ARMH3: variants seen among roughly 807,000 people sequenced by gnomAD.
The protein encoded by ARMH3 is armadillo like helical domain containing 3.
A neutral mutation model predicts 99.1 loss-of-function variants in ARMH3; 60 were observed. The ratio of observed to expected loss-of-function variants is 0.61; its 90% CI spans 0.49 to 0.75. The LOEUF (loss-of-function observed/expected upper bound fraction) is 0.75. ARMH3 is among the 30% of genes least tolerant of loss of function. The pLI is 0.00. For synonymous variants in ARMH3, 285 were observed against 292.8 expected (o/e 0.97, Z 0.27); for missense variants, 679 against 843.1 (o/e 0.81, Z 2.41).
At position 101,967,503 on chromosome 10, in the gene ARMH3, C is replaced by A. The variant is rs533559194; in HGVS notation, c.1495+7709G>T. Among the ~76,000 whole-genome samples the A allele has an allele frequency of 4.8e-4, 73 of 152,202 alleles. No homozygotes were observed. In the Middle Eastern group the frequency reaches 0.014, roughly 28 times the overall value. On this transcript the variant is annotated intron_variant, in intron 20 of 25. Transcript: ENST00000370033. ...CCTGTAATCCTAACACTTTGGGAGG[C>A]CAAGGTAGGTGGATCACAAGGTCAG...
rs1846827530 is a variant in ARMH3 at position 101,992,154 on chromosome 10, C to T, written c.1276-116G>A. The T allele has an allele frequency of 4.5e-6, 4 of 895,710 alleles. No homozygotes were observed. The Admixed American group carries it at 7.8e-5, about 17-fold the overall frequency. 55.5% of individuals were successfully genotyped at this position (895,710 alleles called of 1,614,324 possible). A position where few individuals can be genotyped will look rare whatever the true frequency, so the allele number is the denominator to read the frequency against. ...CACTATTACAGGGATACTTCCTTTT[C>T]TTTCTCTTTTTCACATGGTGGGAGA... On this transcript the variant is annotated intron_variant, in intron 17 of 25. Transcript: ENST00000370033.
At chr10:102,051,061 G>T (rs949623781) in intron 1 of ARMH3, among the ~76,000 whole-genome samples, 39 of 151,850 alleles carry the variant, frequency 2.6e-4, no homozygotes, top group African/African-American at 8.9e-4. Flanking sequence ...GGCTGAGGCA[G>T]GAGAATCACT....
chr10:102,022,898 A>G (rs2066918593), intron 8 of ARMH3, among the ~76,000 whole-genome samples: 3 of 150,044 alleles, frequency 2.0e-5, no homozygotes, highest in Non-Finnish European at 4.4e-5. Context: ...TTCTTTTTAA[A>G]AAGTTCTAGG....
intron 20 of ARMH3, among the ~76,000 whole-genome samples, chr10:101,974,776 A>G (rs1845916849): frequency 1.3e-5 from 2 of 151,766 alleles, no homozygotes; most frequent in South Asian, 4.2e-4. Flanking sequence ...CCCCGTCCCC[A>G]TCCCTCCATC....
intron 25 of ARMH3, 100 bp from the exon 26 acceptor site, chr10:101,847,720 C>A: frequency 9.8e-7 from 1 of 1,020,332 alleles, no homozygotes; most frequent in Non-Finnish European, 1.5e-6. Flanking sequence ...CTACACGGGG[C>A]ACTAGAAGTC....
chr10:101,961,102 T>A (rs1035151737), intron 20 of ARMH3, among the ~76,000 whole-genome samples: 7 of 152,176 alleles, frequency 4.6e-5, no homozygotes, highest in Non-Finnish European at 1.0e-4. Flanking sequence ...CCCTTGGTCC[T>A]CAGCTACCTG....
chr10:101,878,810 G>C (rs2067334819), intron 24 of ARMH3, among the ~76,000 whole-genome samples: 1 of 150,798 alleles, frequency 6.6e-6, no homozygotes, highest in Non-Finnish European at 1.5e-5. Flanking sequence ...CTGCATGACA[G>C]AACAAGACCT....
At chr10:102,003,002 A>AATAC (rs1564839406) in intron 14 of ARMH3, among the ~76,000 whole-genome samples, 2 of 146,988 alleles carry the variant, frequency 1.4e-5, no homozygotes, top group Non-Finnish European at 3.0e-5. Flanking sequence ...TAAATAAATA[A>AATAC]AAACAGATGA....
chr10:102,037,540 C>A (rs1223949261), intron 2 of ARMH3, among the ~76,000 whole-genome samples: 1 of 151,900 alleles, frequency 6.6e-6, no homozygotes, highest in African/African-American at 2.4e-5. Context: ...GGCCTTCTCA[C>A]AACGTCCTCA....
intron 15 of ARMH3, among the ~76,000 whole-genome samples, chr10:102,001,521 T>C (rs758033049): frequency 1.3e-5 from 2 of 152,228 alleles, no homozygotes; most frequent in Non-Finnish European, 2.9e-5. Context: ...ACTTCTATTT[T>C]AAGTGTTCAA....
chr10:101,916,867 G>A (rs972774107), intron 23 of ARMH3, among the ~76,000 whole-genome samples: 6 of 152,148 alleles, frequency 3.9e-5, no homozygotes, highest in South Asian at 2.1e-4. Context: ...GAGCTGGGAC[G>A]TCCATCTTCT....
chr10:101,871,160 G>A (rs1024808709), intron 24 of ARMH3, among the ~76,000 whole-genome samples: 4 of 152,018 alleles, frequency 2.6e-5, no homozygotes, highest in Non-Finnish European at 4.4e-5. Flanking sequence ...AGTACACTAC[G>A]AAACACTGAC....
intron 19 of ARMH3, among the ~76,000 whole-genome samples, chr10:101,986,849 C>T (rs1322407729): frequency 1.3e-5 from 2 of 152,092 alleles, no homozygotes; most frequent in South Asian, 2.1e-4. Flanking sequence ...GTGAATTCAG[C>T]CTGAGGGTGG....
At chr10:101,899,108 C>A (rs2135488693) in intron 23 of ARMH3, among the ~76,000 whole-genome samples, 1 of 152,304 alleles carries the variant, frequency 6.6e-6, no homozygotes, top group East Asian at 1.9e-4. Context: ...GGGCAAGAGA[C>A]CAACCTCTCT....
intron 24 of ARMH3, among the ~76,000 whole-genome samples, chr10:101,883,203 C>T (rs1056035032): frequency 1.3e-5 from 2 of 152,048 alleles, no homozygotes; most frequent in Non-Finnish European, 2.9e-5. Flanking sequence ...TCACTTTAGG[C>T]CAAGAGTGTG....
chr10:101,891,192 C>T (rs1326891593), intron 23 of ARMH3, among the ~76,000 whole-genome samples: 1 of 150,550 alleles, frequency 6.6e-6, no homozygotes, highest in Non-Finnish European at 1.5e-5. Context: ...TAGTTTCTTT[C>T]TTTCTTCCTT....
At chr10:101,969,810 G>T (rs969273178) in intron 20 of ARMH3, among the ~76,000 whole-genome samples, 1 of 152,136 alleles carries the variant, frequency 6.6e-6, no homozygotes, top group African/African-American at 2.4e-5. Flanking sequence ...GGAACTCTAA[G>T]TTCTAATCAT....
At chr10:101,914,214 C>T (rs142167596) in intron 23 of ARMH3, among the ~76,000 whole-genome samples, 595 of 152,144 alleles carry the variant, frequency 3.9e-3, no homozygotes, top group African/African-American at 0.012. Flanking sequence ...CCGAGCTGGG[C>T]GTGGTGGCTC....
chr10:102,012,063 T>A (rs960309961), intron 10 of ARMH3, among the ~76,000 whole-genome samples: 18 of 152,220 alleles, frequency 1.2e-4, no homozygotes, highest in African/African-American at 4.3e-4. Context: ...CAGTTACTTC[T>A]CAAACAATCT....
Sources: allele counts gnomAD v4.1 joint callset (sites outside exome capture counted in the v4.1 genomes callset), GRCh38; gene constraint gnomAD v4.1.1; transcripts MANE v1.5; gene names NCBI Gene and HGNC (gene_info 2026-07-23, HGNC 2026-07-21).